TUSC3: variants seen among roughly 807,000 people sequenced by gnomAD.
TUSC3 encodes tumor suppressor candidate 3.
In TUSC3, 45 loss-of-function variants were observed where a neutral mutation model predicts 44.8. That is an observed-to-expected ratio of 1.00 (90% CI 0.79 to 1.29). TUSC3 has a LOEUF of 1.29. Ranked by LOEUF, TUSC3 falls within the 50% of genes most tolerant of loss-of-function variation. The pLI is 0.00. For missense variants in TUSC3, 519 were observed against 437.9 expected (o/e 1.19, Z -1.65); for synonymous variants, 212 against 152.9 (o/e 1.39, Z -2.85).
In TUSC3 at chr8:15,427,558, G is replaced by A. The variant is rs559526601; in HGVS notation, n.91+10253G>A. On this transcript the variant is annotated intron_variant and non_coding_transcript_variant, in intron 1 of 5. Transcript: ENST00000503191. ...ACTTGACAGGTCAAGCCACGCACTT[G>A]GTCTCTCAAGTCGCCTGGTTGGCCT... 2.7e-4 allele frequency among the ~76,000 whole-genome samples: 41 copies of A among 152,190 alleles called. 1 individual carries two copies. The highest frequency in any genetic ancestry group is 9.2e-4 in the African/African-American group (38 of 41,514).
At chr8:15,780,744 T>G in the TUSC3 span, among the ~76,000 whole-genome samples, 2 of 151,958 alleles carry the variant, frequency 1.3e-5, no homozygotes, top group Non-Finnish European at 2.9e-5. Flanking sequence ...CTGGAAGAAG[T>G]TTGTGTGGGC....
intron 1 of TUSC3, among the ~76,000 whole-genome samples, chr8:15,587,644 G>GTGCT (rs1021702718): frequency 1.3e-5 from 2 of 152,014 alleles, no homozygotes; most frequent in African/African-American, 2.4e-5. Flanking sequence ...TTACCTTACA[G>GTGCT]TGCTATAGAA....
At chr8:15,659,238 C>T (rs981986610) in intron 3 of TUSC3, among the ~76,000 whole-genome samples, 25 of 151,922 alleles carry the variant, frequency 1.6e-4, no homozygotes, top group African/African-American at 3.6e-4. Context: ...AGAAAAAGAA[C>T]GAAATGACTT....
chr8:15,711,347 G>A (rs1277223635), intron 6 of TUSC3, among the ~76,000 whole-genome samples: 2 of 151,436 alleles, frequency 1.3e-5, no homozygotes, highest in Non-Finnish European at 2.9e-5. Flanking sequence ...TTAGAAGATT[G>A]AAAGGATAAA....
At chr8:15,666,104 A>G (rs951554660) in intron 5 of TUSC3, among the ~76,000 whole-genome samples, 2 of 151,570 alleles carry the variant, frequency 1.3e-5, no homozygotes, top group South Asian at 2.1e-4. Context: ...TGAGAAAACA[A>G]TATTGACTTG....
rs1042981603 is a variant in TUSC3, at chr8:15,549,767, C to T, written c.138+9199C>T. Reference sequence around the variant, plus strand: ...GTTGTGCTGTTTTTTGCCATTGTTTCCTGTACATTTTTCCTCTTGAAGCAT... The same window carrying T: ...GTTGTGCTGTTTTTTGCCATTGTTTTCTGTACATTTTTCCTCTTGAAGCAT... On this transcript the variant is annotated intron_variant, in intron 1 of 10. Transcript: ENST00000503731. Among the ~76,000 whole-genome samples the T allele has an allele frequency of 2.0e-5, 3 of 151,394 alleles. 1 individual carries two copies. Among genetic ancestry groups the T allele is most frequent in the Non-Finnish European group, 4.4e-5 (3 of 67,824 alleles).
chr8:15,798,292 A>C, the TUSC3 span, among the ~76,000 whole-genome samples: 1 of 152,194 alleles, frequency 6.6e-6, no homozygotes, highest in African/African-American at 2.4e-5. Flanking sequence ...CATGAGCTGA[A>C]TCTAGACCCA....
At chr8:15,480,976 G>A (rs1184812219) in intron 1 of TUSC3, among the ~76,000 whole-genome samples, 1 of 152,122 alleles carries the variant, frequency 6.6e-6, no homozygotes, top group Non-Finnish European at 1.5e-5. Context: ...CTTCAGGCAA[G>A]GTGGCTCACG....
At chr8:15,600,500 T>A (rs1359911819) in intron 1 of TUSC3, among the ~76,000 whole-genome samples, 1 of 151,728 alleles carries the variant, frequency 6.6e-6, no homozygotes, top group Non-Finnish European at 1.5e-5. Context: ...GGTACATTTT[T>A]ATCATTATTG....
chr8:15,471,805 A>G (rs1800497501), intron 1 of TUSC3, among the ~76,000 whole-genome samples: 1 of 151,994 alleles, frequency 6.6e-6, no homozygotes, highest in Non-Finnish European at 1.5e-5. Context: ...TTAAGTAGAG[A>G]CAGGGTTTTG....
intron 6 of TUSC3, among the ~76,000 whole-genome samples, chr8:15,675,834 T>G (rs1808164474): frequency 6.6e-6 from 1 of 152,140 alleles, no homozygotes; most frequent in African/African-American, 2.4e-5. Context: ...TTATCCACAC[T>G]GTGGATGGAC....
chr8:15,832,199 C>A, the TUSC3 span, among the ~76,000 whole-genome samples: 49 of 152,144 alleles, frequency 3.2e-4, no homozygotes, highest in Admixed American at 7.2e-4. Context: ...AATTAAGCTT[C>A]ATAAGCAAAG....
chr8:15,632,584 A>G (rs1442759948), intron 2 of TUSC3, among the ~76,000 whole-genome samples: 1 of 152,190 alleles, frequency 6.6e-6, no homozygotes, highest in African/African-American at 2.4e-5. Context: ...CCTGTTTCTC[A>G]GTAATTTTTT....
At chr8:15,578,593 C>T (rs371336459) in intron 1 of TUSC3, among the ~76,000 whole-genome samples, 2 of 147,674 alleles carry the variant, frequency 1.4e-5, no homozygotes, top group Admixed American at 6.8e-5. Flanking sequence ...TTGTCTTTGG[C>T]TCTGTTTATA....
intron 6 of TUSC3, among the ~76,000 whole-genome samples, chr8:15,695,124 A>G (rs769969437): frequency 6.6e-6 from 1 of 152,170 alleles, no homozygotes; most frequent in Non-Finnish European, 1.5e-5. Context: ...TGTCAGTGGA[A>G]AGATCGGGTA....
chr8:15,755,444 G>C (rs1406000233), intron 9 of TUSC3, among the ~76,000 whole-genome samples: 1 of 151,996 alleles, frequency 6.6e-6, no homozygotes, highest in East Asian at 1.9e-4. Context: ...TAAAGATTAA[G>C]TAGTTTTGTC....
At chr8:15,777,134 C>T in the TUSC3 span, among the ~76,000 whole-genome samples, 1 of 152,158 alleles carries the variant, frequency 6.6e-6, no homozygotes, top group Non-Finnish European at 1.5e-5. Context: ...CTGGCCTCCT[C>T]TTAGACTCTG....
chr8:15,538,708 A>T (rs193302743), upstream of TUSC3, among the ~76,000 whole-genome samples: 45 of 152,350 alleles, frequency 3.0e-4, no homozygotes, highest in Admixed American at 2.5e-3. Context: ...TTATAAAGGC[A>T]GGCAACAAAC....
intron 1 of TUSC3, among the ~76,000 whole-genome samples, chr8:15,599,685 C>T (rs556793084): frequency 4.1e-5 from 6 of 146,772 alleles, no homozygotes; most frequent in African/African-American, 7.5e-5. Context: ...CTCTTTGCTC[C>T]GTTATATTGC....
Sources: allele counts gnomAD v4.1 joint callset (sites outside exome capture counted in the v4.1 genomes callset), GRCh38; gene constraint gnomAD v4.1.1; transcripts MANE v1.5; gene names NCBI Gene and HGNC (gene_info 2026-07-23, HGNC 2026-07-21).